The following ANXA11 variants were observed in gnomAD, a reference collection of about 807,000 sequenced individuals.
ANXA11 encodes 56 kDa autoantigen.
ANXA11 carries 57 observed loss-of-function variants against 64.7 expected under a neutral mutation model. That is an observed-to-expected ratio of 0.88 (90% confidence interval 0.71 to 1.10). The LOEUF (loss-of-function observed/expected upper bound fraction) is 1.10, where lower values mean the gene tolerates loss of function less well. Ranked by LOEUF, ANXA11 falls within the 50% of genes least tolerant of loss-of-function variation. The probability of loss-of-function intolerance (pLI) is 0.00; values close to 1 mark genes in which losing one functional copy is unlikely to be tolerated. For synonymous variants in ANXA11, 260 were observed against 265.2 expected (o/e 0.98, Z 0.19); for missense variants, 675 against 670.7 (o/e 1.01, Z -0.07).
At chr10:80,171,197 G>A (rs1259115188) in intron 3 of ANXA11, 27 of 1,280,474 alleles carry the variant, frequency 2.1e-5, no homozygotes, top group Non-Finnish European at 2.6e-5. Context: ...GAGAGCCCAG[G>A]CAGGCTCTGC....
intron 11 of ANXA11, among the ~76,000 whole-genome samples, chr10:80,162,335 G>A (rs915792820): frequency 1.3e-5 from 2 of 152,226 alleles, no homozygotes; most frequent in Non-Finnish European, 2.9e-5. Context: ...AACTCTCGCT[G>A]GAGCAAAAGC....
At chr10:80,190,484 A>ATT (rs34704342) in intron 1 of ANXA11, among the ~76,000 whole-genome samples, 56,943 of 127,366 alleles carry the variant, frequency 0.45, 14,220 homozygotes, top group African/African-American at 0.61. Flanking sequence ...TTTACAATAA[A>ATT]TTTTTTTTTT....
rs138240347 is a variant in ANXA11 at position 80,159,925 on chromosome 10, A to C, written c.1181-730T>G. 3.1e-3 allele frequency among the ~76,000 whole-genome samples: 475 copies of C among 152,242 alleles called. 1 individual carries two copies. The highest frequency in any genetic ancestry group is 5.1e-3 in the Non-Finnish European group (345 of 68,000). On this transcript the variant is annotated intron_variant, in intron 12 of 15. Transcript: ENST00000422982. ...TCTTCCTCAGCCTGCCTGTGAGCTG[A>C]GGCCCAGCCTGCCCCAGCCAGCCTG...
At position 80,158,025 on chromosome 10, in the gene ANXA11, A is replaced by G. The variant is rs1845346823; in HGVS notation, c.1277T>C (p.Val426Ala). ...GGCTGGGGTATTCTTGAGACATTTC[A>G]CTAGAAGAGAGAAACTCGGCATAAC... ...GDLEEGMLAV[V>A]KCLKNTPAFF... The change falls in exon 14 of 16, where the codon GTG becomes GCG. Residue 426 changes from valine to alanine, a missense_variant and splice_region_variant. Coordinates refer to ENST00000422982, the MANE Select transcript of ANXA11 (RefSeq NM_145868.2). The G allele has an allele frequency of 5.0e-6, 8 of 1,613,844 alleles. No homozygotes were observed. The highest frequency in any genetic ancestry group is 6.8e-6 in the Non-Finnish European group (8 of 1,179,908).
chr10:80,183,710 C>T (rs902655417), intron 1 of ANXA11, among the ~76,000 whole-genome samples: 4 of 152,252 alleles, frequency 2.6e-5, no homozygotes, highest in Non-Finnish European at 5.9e-5. Flanking sequence ...CCTTGGCAAC[C>T]TACTTGAAGA....
At chr10:80,183,941 T>C (rs1846445367) in intron 1 of ANXA11, among the ~76,000 whole-genome samples, 1 of 152,218 alleles carries the variant, frequency 6.6e-6, no homozygotes, top group African/African-American at 2.4e-5. Flanking sequence ...TGTACCTAAC[T>C]GTGGCTGTGG....
At position 80,170,898 on chromosome 10, in the gene ANXA11, C is replaced by T; in HGVS notation, c.73G>A (p.Gly25Ser). 1.3e-6 allele frequency: 2 copies of T among 1,580,586 alleles called. No individual in the cohort carries two copies. The highest frequency in any genetic ancestry group is 1.7e-6 in the Non-Finnish European group (2 of 1,164,206). The change falls in exon 4 of 16, where the codon GGT becomes AGT. Residue 25 changes from glycine to serine, a missense_variant. Gly to Ser is a moderately conservative substitution (Grantham distance 56, BLOSUM62 0). Coordinates refer to ENST00000422982, the MANE Select transcript of ANXA11 (RefSeq NM_145868.2). Reference sequence around the variant, plus strand: ...CTGGGCGGAGGAGGGTAGGCAGCACCTCCCCAGGGACCACCACCTGAAAGC... The same window carrying T: ...CTGGGCGGAGGAGGGTAGGCAGCACTTCCCCAGGGACCACCACCTGAAAGC... Reference protein sequence around the residue: ...PAAPGGGPWGGAAYPPPPSMP... With the variant: ...PAAPGGGPWGSAAYPPPPSMP...
intron 1 of ANXA11, among the ~76,000 whole-genome samples, chr10:80,187,253 AGGTTGG>A (rs1846575542): frequency 1.8e-4 from 28 of 152,186 alleles, no homozygotes; most frequent in Admixed American, 1.7e-3. Flanking sequence ...GAAGGTTATG[AGGTTGG>A]AGTCCTCATG....
chr10:80,193,200 G>A (rs2819945), intron 1 of ANXA11, among the ~76,000 whole-genome samples: 74,000 of 151,986 alleles, frequency 0.49, 18,914 homozygotes, highest in African/African-American at 0.64. Context: ...GCACAGCATC[G>A]AACAATACAA....
intron 3 of ANXA11, chr10:80,171,480 G>A (rs560667420): frequency 2.2e-4 from 99 of 458,752 alleles, no homozygotes; most frequent in South Asian, 8.8e-4. Flanking sequence ...TGAAAAGCCC[G>A]CTCTGAAACC....
chr10:80,179,033 A>G (rs952868418), intron 1 of ANXA11, among the ~76,000 whole-genome samples: 7 of 152,222 alleles, frequency 4.6e-5, no homozygotes, highest in Non-Finnish European at 1.5e-5. Context: ...GTCCCTGCCC[A>G]AATTGTAATT....
At chr10:80,159,360 A>C (rs777173398) in intron 12 of ANXA11, among the ~76,000 whole-genome samples, 165 bp from the exon 13 acceptor site, 1 of 152,176 alleles carries the variant, frequency 6.6e-6, no homozygotes, top group Admixed American at 6.5e-5. Context: ...ACCCTAATCC[A>C]ATTCGCCTGG....
At chr10:80,181,570 C>T (rs1408977168) in intron 1 of ANXA11, 1 of 151,920 alleles carries the variant, frequency 6.6e-6, no homozygotes, top group African/African-American at 2.4e-5. Context: ...GGACTATTAT[C>T]CAAAATATAC....
rs763214442 is a variant in ANXA11, at chr10:80,161,992, C to CT, written c.1122dup (p.Asp375ArgfsTer23). The CT allele has an allele frequency of 2.5e-6, 4 of 1,612,458 alleles. No homozygotes were observed. Among genetic ancestry groups the CT allele is most frequent in the Non-Finnish European group, 3.4e-6 (4 of 1,179,890 alleles). On this transcript the variant is annotated frameshift_variant, in exon 12 of 16. Transcript: ENST00000422982. LOFTEE classifies it high-confidence loss of function. ...AGAACCGCATTGAACTTGGACTCGT[C>CT]TGTTCCCAGGCGGTTCTCCCCGGCC...
chr10:80,204,418 TGGGCAGGGCA>T (rs573326665), intron 1 of ANXA11, among the ~76,000 whole-genome samples: 47 of 151,594 alleles, frequency 3.1e-4, no homozygotes, highest in East Asian at 7.7e-4. Context: ...CCCTGTTGCG[TGGGCAGGGCA>T]GGGCAGGGCA....
intron 2 of ANXA11, among the ~76,000 whole-genome samples, chr10:80,174,560 A>C (rs1846098166): frequency 6.6e-6 from 1 of 150,720 alleles, no homozygotes; most frequent in African/African-American, 2.5e-5. Context: ...TACAGGCATG[A>C]GCCACCATGC....
At position 80,164,012 on chromosome 10, in the gene ANXA11, TGCAGAGG is replaced by T. The variant is rs377206554; in HGVS notation, c.949+34_949+40del. 4.7e-4 allele frequency: 731 copies of T among 1,548,898 alleles called. 4 individuals are homozygous for T. The Middle Eastern group carries it at 5.4e-3, about 11-fold the overall frequency. On this transcript the variant is annotated intron_variant, in intron 9 of 15. Coordinates refer to ENST00000422982, the MANE Select transcript of ANXA11 (RefSeq NM_145868.2). ...CCACAGCCCCAAGAGCACAGGGATC[TGCAGAGG>T]GCAGAGGGCAGAGGGCAGAGGGAGC...
rs142094087 is a variant in ANXA11 at position 80,157,369 on chromosome 10, C to T, written c.1458+272G>A. ...TCAAGGAATCACACGGTGATCGGAACGCTGAAGGTCACGGTCAAGGTTGGG... is the reference window on the plus strand; with the variant it reads ...TCAAGGAATCACACGGTGATCGGAATGCTGAAGGTCACGGTCAAGGTTGGG... On this transcript the variant is annotated intron_variant, in intron 15 of 15. Coordinates refer to ENST00000422982, the MANE Select transcript of ANXA11 (RefSeq NM_145868.2). 174 of 985,430 alleles carry T rather than the reference C, an allele frequency of 1.8e-4. 3 individuals carry two copies. In the African/African-American group the frequency reaches 2.5e-3, roughly 14 times the overall value. The allele number at this position is 985,430 out of a possible 1,614,324, so 61.0% of individuals were successfully genotyped here.
At chr10:80,163,299 G>T in intron 11 of ANXA11, 50 bp downstream of exon 11, 2 of 1,598,588 alleles carry the variant, frequency 1.3e-6, no homozygotes, top group East Asian at 2.2e-5. Context: ...GCAAGAAAGC[G>T]GGGTGCATCC....
Sources: allele counts gnomAD v4.1 joint callset (sites outside exome capture counted in the v4.1 genomes callset), GRCh38; gene constraint gnomAD v4.1.1; transcripts MANE v1.5; gene names NCBI Gene and HGNC (gene_info 2026-07-23, HGNC 2026-07-21).